The following TNIP3 variants were observed in gnomAD, a reference collection of about 807,000 sequenced individuals.
TNIP3 encodes the protein TNFAIP3-interacting protein 3.
TNIP3 carries 34 observed loss-of-function variants against 54.1 expected under a neutral mutation model. The ratio of observed to expected loss-of-function variants is 0.63; its 90% CI spans 0.48 to 0.84. The LOEUF (loss-of-function observed/expected upper bound fraction) is 0.84, where lower values mean the gene tolerates loss of function less well. Among genes scored for constraint, TNIP3 ranks in the 40% least tolerant of loss-of-function variants. TNIP3 has a pLI of 0.00. For synonymous variants in TNIP3, 134 were observed against 136.8 expected (o/e 0.98, Z 0.14); for missense variants, 366 against 387.6 (o/e 0.94, Z 0.47).
intron 3 of TNIP3, among the ~76,000 whole-genome samples, chr4:121,157,895 G>T (rs1730212549): frequency 6.6e-6 from 1 of 152,182 alleles, no homozygotes; most frequent in Admixed American, 6.5e-5. Flanking sequence ...TACAGATCCG[G>T]ATTGCCCCAG....
In TNIP3 at chr4:121,145,737, AT is replaced by A. The variant is rs1481839665; in HGVS notation, c.735+1311del. On this transcript the variant is annotated intron_variant, in intron 7 of 10. Coordinates refer to ENST00000057513, the MANE Select transcript of TNIP3 (RefSeq NM_024873.6). ...TTTAAAATTGCTTTAAAAAACAAATATTTTTTGTTCTAAAACTGTTTTACTG... is the reference window on the plus strand; with the variant it reads ...TTTAAAATTGCTTTAAAAAACAAATATTTTTGTTCTAAAACTGTTTTACTG... Among the ~76,000 whole-genome samples the A allele has an allele frequency of 2.0e-5, 3 of 151,904 alleles. No homozygotes were observed. In the East Asian group the frequency reaches 5.8e-4, roughly 29 times the overall value.
rs1297524644 is a variant in TNIP3 at position 121,141,806 on chromosome 4, TCTTA to T, written c.885+6_885+9del. On this transcript the variant is annotated splice_donor_region_variant and intron_variant, in intron 9 of 10. Coordinates refer to ENST00000057513, the MANE Select transcript of TNIP3 (RefSeq NM_024873.6). The stretch of plus-strand genomic sequence containing the variant: ...ATACTAAGCACTTTTTCAAATGCAC[TCTTA>T]CTTACTGGGTGCTCCCGTTGCTTCT... 1.3e-6 allele frequency: 2 copies of T among 1,513,224 alleles called. No individual in the cohort carries two copies. Among genetic ancestry groups the T allele is most frequent in the Non-Finnish European group, 1.8e-6 (2 of 1,127,452 alleles). 93.7% of individuals were successfully genotyped at this position (1,513,224 alleles called of 1,614,324 possible).
At chr4:121,219,024 A>G (rs963341461), upstream of TNIP3, among the ~76,000 whole-genome samples, 13 of 152,256 alleles carry the variant, frequency 8.5e-5, no homozygotes, top group Admixed American at 5.2e-4. Context: ...AAATGGAGAA[A>G]TGGTGTCTCT....
At chr4:121,168,424 C>T (rs1730883939), upstream of TNIP3, among the ~76,000 whole-genome samples, 1 of 152,050 alleles carries the variant, frequency 6.6e-6, no homozygotes, top group Admixed American at 6.5e-5. Context: ...TGTTCTCGAA[C>T]TTCTGACCTT....
chr4:121,222,995 T>C (rs138050274), intron 1 of TNIP3, among the ~76,000 whole-genome samples: 5,052 of 152,052 alleles, frequency 0.033, 291 homozygotes, highest in African/African-American at 0.12. Flanking sequence ...TTAGTAGAGA[T>C]AGGGTTTCAC....
At chr4:121,149,139 C>A (rs185718993) in intron 6 of TNIP3, among the ~76,000 whole-genome samples, 1 of 152,266 alleles carries the variant, frequency 6.6e-6, no homozygotes, top group East Asian at 1.9e-4. Flanking sequence ...GTAGTTTAAC[C>A]AATGCAGTAT....
intron 6 of TNIP3, among the ~76,000 whole-genome samples, chr4:121,147,953 C>G (rs1389012203): frequency 6.6e-6 from 1 of 152,204 alleles, no homozygotes; most frequent in Non-Finnish European, 1.5e-5. Flanking sequence ...TTGTATAGAT[C>G]TACATGCAGA....
At chr4:121,175,287 A>T (rs965479869) in intron 3 of TNIP3, among the ~76,000 whole-genome samples, 8 of 152,238 alleles carry the variant, frequency 5.3e-5, no homozygotes, top group African/African-American at 1.7e-4. Flanking sequence ...AAAAGTAAGG[A>T]TAATACCTTT....
chr4:121,197,370 A>T (rs925042127), intron 2 of TNIP3, among the ~76,000 whole-genome samples: 4 of 152,142 alleles, frequency 2.6e-5, no homozygotes, highest in African/African-American at 9.6e-5. Flanking sequence ...TCTGCTAAAA[A>T]TACAAAAATT....
At chr4:121,171,706 G>C (rs1271070535) in intron 3 of TNIP3, among the ~76,000 whole-genome samples, 1 of 151,958 alleles carries the variant, frequency 6.6e-6, no homozygotes, top group Non-Finnish European at 1.5e-5. Flanking sequence ...TGAGGAAATG[G>C]AGCCCTACTC....
At chr4:121,152,755 A>G (rs897867826) in intron 5 of TNIP3, among the ~76,000 whole-genome samples, 1 of 152,202 alleles carries the variant, frequency 6.6e-6, no homozygotes, top group East Asian at 1.9e-4. Flanking sequence ...ATGGATACAT[A>G]ATATATGAAA....
chr4:121,215,631 C>T (rs1487257737), intron 2 of TNIP3, among the ~76,000 whole-genome samples: 1 of 151,956 alleles, frequency 6.6e-6, no homozygotes, highest in East Asian at 1.9e-4. Flanking sequence ...TTCTCTTTAC[C>T]AGAAATTAGG....
intron 2 of TNIP3, among the ~76,000 whole-genome samples, chr4:121,195,100 A>G (rs1725504696): frequency 1.3e-5 from 2 of 152,176 alleles, no homozygotes; most frequent in Non-Finnish European, 2.9e-5. Flanking sequence ...CCCCGGAAGC[A>G]GAGGTTGCAG....
chr4:121,147,017 G>A lies in TNIP3; in HGVS notation c.735+32C>T, dbSNP rs774806081. The A allele has an allele frequency of 3.2e-6, 5 of 1,583,088 alleles. No individual in the cohort carries two copies. In the South Asian group the frequency reaches 5.9e-5, roughly 19 times the overall value. Reference sequence around the variant, plus strand: ...TTAAATGAAAAAAATATACATACATGCTGGCAAAGATTATTTTGTTTTGAC... The same window carrying A: ...TTAAATGAAAAAAATATACATACATACTGGCAAAGATTATTTTGTTTTGAC... On this transcript the variant is annotated intron_variant, in intron 7 of 10. Coordinates refer to ENST00000057513, the MANE Select transcript of TNIP3 (RefSeq NM_024873.6).
intron 2 of TNIP3, among the ~76,000 whole-genome samples, chr4:121,211,744 A>G (rs1208299403): frequency 2.6e-5 from 4 of 152,186 alleles, no homozygotes; most frequent in Non-Finnish European, 5.9e-5. Context: ...TGAATTATCA[A>G]CTCAGAGATG....
upstream of TNIP3, among the ~76,000 whole-genome samples, chr4:121,218,744 C>G (rs1726909535): frequency 7.6e-6 from 1 of 131,314 alleles, no homozygotes; most frequent in Admixed American, 6.9e-5. Flanking sequence ...AACTCTTGGG[C>G]TCAAGCAATT....
At chr4:121,213,434 A>T (rs1468836574) in intron 2 of TNIP3, among the ~76,000 whole-genome samples, 1 of 152,148 alleles carries the variant, frequency 6.6e-6, no homozygotes, top group Non-Finnish European at 1.5e-5. Flanking sequence ...TTTTAAAAAA[A>T]GACATTCTTC....
intron 3 of TNIP3, 31 bp from the exon 4 acceptor site, chr4:121,157,274 T>TA (rs775511587): frequency 7.4e-6 from 12 of 1,613,696 alleles, no homozygotes; most frequent in African/African-American, 5.3e-5. Context: ...CAGCTGCAGA[T>TA]ACCTTCTCTG....
At chr4:121,154,939 G>GA (rs555765626) in intron 4 of TNIP3, among the ~76,000 whole-genome samples, 3,174 of 143,354 alleles carry the variant, frequency 0.022, 65 homozygotes, top group Admixed American at 0.037. Flanking sequence ...GTGACCCCAG[G>GA]AAAAAAAAAA....
Sources: allele counts gnomAD v4.1 joint callset (sites outside exome capture counted in the v4.1 genomes callset), GRCh38; gene constraint gnomAD v4.1.1; transcripts MANE v1.5; gene names NCBI Gene and HGNC (gene_info 2026-07-23, HGNC 2026-07-21).